DLGAP2: variants seen among roughly 807,000 people sequenced by gnomAD.
DLGAP2 encodes the protein DLG associated protein 2.
A neutral mutation model predicts 100.3 loss-of-function variants in DLGAP2; 26 were observed. The ratio of observed to expected loss-of-function variants is 0.26; its 90% CI spans 0.19 to 0.36. DLGAP2 has a LOEUF of 0.36. DLGAP2 is among the 10% of genes least tolerant of loss of function. The pLI is 1.00. For synonymous variants in DLGAP2, 886 were observed against 630.1 expected, an observed-to-expected ratio of 1.41 and a Z score of -6.08; for missense variants, 1,858 against 1,453.2, an observed-to-expected ratio of 1.28 and a Z score of -4.53.
chr8:784,767 T>G (rs1821791949), intron 1 of DLGAP2, among the ~76,000 whole-genome samples: 1 of 152,248 alleles, frequency 6.6e-6, no homozygotes, highest in Admixed American at 6.5e-5. Flanking sequence ...CAGTGCCATC[T>G]GTACACCTTT....
chr8:984,210 G>A lies in DLGAP2; in HGVS notation c.73+76244G>A, dbSNP rs531744697. On this transcript the variant is annotated intron_variant, in intron 2 of 14. Transcript: ENST00000637795. ...TCCTGGATTCTAGCCCAGTTTTGCC[G>A]ACACCTGACCTTGGGCACAGCACAG... 1.1e-4 allele frequency among the ~76,000 whole-genome samples: 17 copies of A among 152,250 alleles called. No individual in the cohort carries two copies. The East Asian group carries it at 1.9e-3, about 17-fold the overall frequency.
intron 3 of DLGAP2, among the ~76,000 whole-genome samples, chr8:1,336,647 G>T (rs1801281841): frequency 6.6e-6 from 1 of 152,150 alleles, no homozygotes; most frequent in South Asian, 2.1e-4. Context: ...GATGCATCTG[G>T]AACAGGCTGG....
chr8:1,214,081 C>T (rs145174123), intron 2 of DLGAP2, among the ~76,000 whole-genome samples: 122 of 152,298 alleles, frequency 8.0e-4, no homozygotes, highest in Admixed American at 1.4e-3. Flanking sequence ...CAGGCTCCTC[C>T]CAGGCCTGGA....
chr8:1,140,729 T>C (rs1159484678), intron 2 of DLGAP2, among the ~76,000 whole-genome samples: 1 of 152,176 alleles, frequency 6.6e-6, no homozygotes. Context: ...CCCAGCACTT[T>C]GGGAGGCTGA....
chr8:761,973 C>T (rs566786576), intron 1 of DLGAP2, among the ~76,000 whole-genome samples: 13 of 152,180 alleles, frequency 8.5e-5, no homozygotes, highest in African/African-American at 2.9e-4. Context: ...TTTAAGAAAA[C>T]CCGAGGAGGA....
intron 6 of DLGAP2, among the ~76,000 whole-genome samples, chr8:1,607,065 A>T (rs550307340): frequency 1.7e-4 from 26 of 152,216 alleles, no homozygotes; most frequent in Non-Finnish European, 2.6e-4. Context: ...GGTCCTTGAT[A>T]ACTCAATGTT....
At chr8:971,642 G>C (rs898862034) in intron 2 of DLGAP2, among the ~76,000 whole-genome samples, 1 of 152,314 alleles carries the variant, frequency 6.6e-6, no homozygotes, top group South Asian at 2.1e-4. Flanking sequence ...AGGTTGCTCA[G>C]GTGAAGATCA....
chr8:763,630 G>T (rs1459056499), intron 1 of DLGAP2, among the ~76,000 whole-genome samples: 4 of 152,162 alleles, frequency 2.6e-5, no homozygotes, highest in Non-Finnish European at 5.9e-5. Flanking sequence ...AGCAGATGGT[G>T]GTGGTCGGTG....
chr8:1,440,755 C>T (rs1797806684), intron 3 of DLGAP2, among the ~76,000 whole-genome samples: 1 of 152,162 alleles, frequency 6.6e-6, no homozygotes, highest in Non-Finnish European at 1.5e-5. Flanking sequence ...GAGGCAAGCG[C>T]TCGTGGCAGA....
chr8:908,960 A>G (rs944247904), intron 2 of DLGAP2, among the ~76,000 whole-genome samples: 12 of 150,920 alleles, frequency 8.0e-5, no homozygotes, highest in African/African-American at 2.9e-4. Flanking sequence ...ACTCACCACT[A>G]AGAATGATGG....
chr8:1,301,509 C>G (rs1800339452), intron 3 of DLGAP2: 1 of 152,064 alleles, frequency 6.6e-6, no homozygotes, highest in South Asian at 2.1e-4. Context: ...GAGGTTCATG[C>G]TGGACATCAA....
intron 3 of DLGAP2, among the ~76,000 whole-genome samples, chr8:1,265,797 TAAAG>T (rs1199735546): frequency 1.3e-5 from 2 of 152,076 alleles, no homozygotes; most frequent in Admixed American, 6.5e-5. Context: ...TCTGAGACAA[TAAAG>T]AGAGTGAATA....
intron 2 of DLGAP2, among the ~76,000 whole-genome samples, chr8:1,075,922 AAAG>A (rs1164764029): frequency 6.6e-6 from 1 of 152,030 alleles, no homozygotes; most frequent in Non-Finnish European, 1.5e-5. Context: ...AAACAAAAAA[AAAG>A]AAAAAAGACC....
chr8:1,349,308 C>T (rs944339008), intron 3 of DLGAP2, among the ~76,000 whole-genome samples: 1 of 148,724 alleles, frequency 6.7e-6, no homozygotes, highest in African/African-American at 2.5e-5. Flanking sequence ...TCATGAGCCT[C>T]CCGCCCACAT....
chr8:984,084 G>A (rs914393376), intron 2 of DLGAP2, among the ~76,000 whole-genome samples: 1 of 152,122 alleles, frequency 6.6e-6, no homozygotes, highest in African/African-American at 2.4e-5. Context: ...TAGCTTTTGG[G>A]CACCTGTCCC....
chr8:1,263,003 T>C (rs1003581628), intron 3 of DLGAP2, among the ~76,000 whole-genome samples: 7 of 152,166 alleles, frequency 4.6e-5, no homozygotes, highest in Non-Finnish European at 7.3e-5. Context: ...GGAGAATGTA[T>C]TTGAAATCCA....
intron 2 of DLGAP2, among the ~76,000 whole-genome samples, chr8:1,080,800 G>A (rs1052665780): frequency 3.3e-5 from 5 of 152,086 alleles, no homozygotes; most frequent in African/African-American, 1.2e-4. Context: ...AATTATACTA[G>A]GTCAGATCCA....
At chr8:1,485,968 A>T (rs1243299969) in intron 3 of DLGAP2, among the ~76,000 whole-genome samples, 1 of 152,198 alleles carries the variant, frequency 6.6e-6, no homozygotes, top group South Asian at 2.1e-4. Context: ...TGGAGGCTGC[A>T]GTGAGCCGAG....
At chr8:1,459,178 A>C in intron 3 of DLGAP2, among the ~76,000 whole-genome samples, 1 of 150,528 alleles carries the variant, frequency 6.6e-6, no homozygotes, top group Non-Finnish European at 1.5e-5. Context: ...CAGGAGTGAC[A>C]GCCAGCTGGT....
Sources: gnomAD v4.1 joint callset for allele counts (sites outside exome capture counted in the v4.1 genomes callset) on GRCh38, gnomAD v4.1.1 for gene constraint, MANE v1.5 for transcripts, NCBI Gene and HGNC (gene_info 2026-07-23, HGNC 2026-07-21) for gene names.